C10orf67: variants seen among roughly 807,000 people sequenced by gnomAD.
The protein encoded by C10orf67 is uncharacterized protein C10orf67, mitochondrial.
In C10orf67, 60 loss-of-function variants were observed where a neutral mutation model predicts 35.6. The ratio of observed to expected loss-of-function variants is 1.68; its 90% CI spans 1.37 to 2.09. C10orf67 has a LOEUF of 2.09. Among genes scored for constraint, C10orf67 ranks in the 30% most tolerant of loss-of-function variants. The pLI, the probability that C10orf67 is intolerant of heterozygous loss-of-function variation, is 0.00. For missense variants in C10orf67, 474 were observed against 330.2 expected, an observed-to-expected ratio of 1.44 and a Z score of -3.38; for synonymous variants, 167 against 115.8, an observed-to-expected ratio of 1.44 and a Z score of -2.84.
intron 12 of C10orf67, among the ~76,000 whole-genome samples, chr10:23,250,228 G>A (rs1178475145): frequency 2.0e-5 from 3 of 152,162 alleles, no homozygotes; most frequent in African/African-American, 7.2e-5. Context: ...CTGTCCTGCT[G>A]ATCTTTTATA....
At chr10:23,264,521 G>A (rs1225276439) in intron 10 of C10orf67, among the ~76,000 whole-genome samples, 1 of 152,146 alleles carries the variant, frequency 6.6e-6, no homozygotes, top group South Asian at 2.1e-4. Context: ...AGAAAAGCCT[G>A]TTGAAATGAC....
chr10:23,220,125 C>T (rs1428141600), intron 15 of C10orf67, among the ~76,000 whole-genome samples: 2 of 151,942 alleles, frequency 1.3e-5, no homozygotes, highest in South Asian at 4.1e-4. Flanking sequence ...TGAGCTATGA[C>T]TGGACCACTG....
chr10:23,265,279 G>A (rs1370329207), intron 10 of C10orf67, among the ~76,000 whole-genome samples: 2 of 152,232 alleles, frequency 1.3e-5, no homozygotes, highest in South Asian at 2.1e-4. Context: ...GGGCACGAGA[G>A]GTCTGCACCT....
chr10:23,226,802 C>T (rs1841754644), intron 13 of C10orf67, among the ~76,000 whole-genome samples: 1 of 152,176 alleles, frequency 6.6e-6, no homozygotes, highest in South Asian at 2.1e-4. Flanking sequence ...TCACAGAATA[C>T]TATAAACACC....
intron 7 of C10orf67, among the ~76,000 whole-genome samples, chr10:23,283,274 C>T (rs1179470564): frequency 6.6e-6 from 1 of 152,122 alleles, no homozygotes; most frequent in African/African-American, 2.4e-5. Context: ...TGTGACTTGC[C>T]TTTGTATTTA....
At chr10:23,344,282 A>T in intron 1 of C10orf67, 1 of 394,628 alleles carries the variant, frequency 2.5e-6, no homozygotes, top group Non-Finnish European at 4.5e-6. Flanking sequence ...AAGAGGGGGA[A>T]GGAGTGGGGG....
At chr10:23,305,170 G>T (rs1174488548) in intron 4 of C10orf67, among the ~76,000 whole-genome samples, 1 of 152,176 alleles carries the variant, frequency 6.6e-6, no homozygotes, top group Non-Finnish European at 1.5e-5. Context: ...ACACTCTCAA[G>T]AAAATGAATA....
intron 13 of C10orf67, 98 bp downstream of exon 13, chr10:23,239,631 G>T (rs1442092519): frequency 1.8e-6 from 1 of 548,196 alleles, no homozygotes; most frequent in Non-Finnish European, 3.5e-6. Context: ...TCTAGAGCCT[G>T]TAATGACAGG....
At chr10:23,222,440 T>G (rs546666996) in intron 15 of C10orf67, among the ~76,000 whole-genome samples, 3 of 152,112 alleles carry the variant, frequency 2.0e-5, no homozygotes, top group African/African-American at 7.2e-5. Context: ...TTCTCACTTA[T>G]AAGAGCTAAA....
intron 2 of C10orf67, among the ~76,000 whole-genome samples, chr10:23,323,029 G>C (rs1845018500): frequency 6.6e-6 from 1 of 152,120 alleles, no homozygotes; most frequent in Non-Finnish European, 1.5e-5. Context: ...TTCCATCCTA[G>C]GTGGCCAGGC....
intron 4 of C10orf67, among the ~76,000 whole-genome samples, chr10:23,313,193 C>G (rs970378968): frequency 1.3e-5 from 2 of 152,206 alleles, no homozygotes; most frequent in Non-Finnish European, 2.9e-5. Flanking sequence ...TGGGTACAAA[C>G]CTCCAATGTG....
intron 13 of C10orf67, among the ~76,000 whole-genome samples, chr10:23,235,832 A>G (rs1430954146): frequency 6.6e-6 from 1 of 152,178 alleles, no homozygotes; most frequent in Non-Finnish European, 1.5e-5. Flanking sequence ...AACTAACAAT[A>G]TTGGGTGGGC....
At chr10:23,247,515 C>G (rs1051360075) in intron 12 of C10orf67, among the ~76,000 whole-genome samples, 2 of 152,132 alleles carry the variant, frequency 1.3e-5, no homozygotes, top group Non-Finnish European at 2.9e-5. Flanking sequence ...AAGATGCTCA[C>G]ACAATGATGA....
At chr10:23,212,018 A>T (rs529821508) in intron 15 of C10orf67, among the ~76,000 whole-genome samples, 1 of 152,212 alleles carries the variant, frequency 6.6e-6, no homozygotes, top group Non-Finnish European at 1.5e-5. Flanking sequence ...GAGCTTATTT[A>T]GAAATAGGGT....
intron 15 of C10orf67, among the ~76,000 whole-genome samples, chr10:23,205,960 T>G (rs1466559094): frequency 6.6e-6 from 1 of 152,262 alleles, no homozygotes; most frequent in Non-Finnish European, 1.5e-5. Flanking sequence ...CCATGTTTTC[T>G]TTTCTAACAA....
chr10:23,297,160 A>G (rs1208594801), intron 5 of C10orf67, among the ~76,000 whole-genome samples: 1 of 151,334 alleles, frequency 6.6e-6, no homozygotes, highest in Non-Finnish European at 1.5e-5. Flanking sequence ...TTCTATAAGC[A>G]TTTCTAATGG....
intron 1 of C10orf67, among the ~76,000 whole-genome samples, chr10:23,338,406 A>T (rs897763206): frequency 3.9e-5 from 6 of 152,156 alleles, no homozygotes; most frequent in South Asian, 2.1e-4. Flanking sequence ...AACCACAGGG[A>T]ATAGCCAGCC....
At chr10:23,318,788 G>A (rs1007684908) in intron 4 of C10orf67, 1 of 693,982 alleles carries the variant, frequency 1.4e-6, no homozygotes, top group Admixed American at 2.2e-5. Context: ...TGAATAAGAG[G>A]CCAGAGGCAG....
intron 13 of C10orf67, among the ~76,000 whole-genome samples, chr10:23,224,190 A>G (rs1320971446): frequency 6.6e-6 from 1 of 152,204 alleles, no homozygotes; most frequent in Non-Finnish European, 1.5e-5. Context: ...CTTCCAGAGG[A>G]ACGATCAGGC....
Sources: gnomAD v4.1 joint callset for allele counts (sites outside exome capture counted in the v4.1 genomes callset) on GRCh38, gnomAD v4.1.1 for gene constraint, MANE v1.5 for transcripts, NCBI Gene and HGNC (gene_info 2026-07-23, HGNC 2026-07-21) for gene names.